The following SNX13 variants were observed in gnomAD, a reference collection of about 807,000 sequenced individuals.
SNX13 encodes sorting nexin 13.
A neutral mutation model predicts 133.6 loss-of-function variants in SNX13; 45 were observed. The observed-to-expected ratio is 0.34, with a 90% CI of 0.27 to 0.43. The LOEUF (loss-of-function observed/expected upper bound fraction) is 0.43, where lower values mean the gene tolerates loss of function less well. Ranked by LOEUF, SNX13 falls within the 20% of genes least tolerant of loss-of-function variation. SNX13 has a pLI of 1.00. For synonymous variants in SNX13, 414 were observed against 373.9 expected (o/e 1.11, Z -1.24); for missense variants, 1,032 against 1,145.1 (o/e 0.90, Z 1.43).
intron 17 of SNX13, among the ~76,000 whole-genome samples, chr7:17,824,179 TA>T (rs548777346): frequency 6.7e-5 from 10 of 149,232 alleles, no homozygotes; most frequent in Non-Finnish European, 7.5e-5. Context: ...TCTTATTATG[TA>T]AAAAAAAAAT....
intron 9 of SNX13, among the ~76,000 whole-genome samples, chr7:17,866,295 A>G (rs1360069142): frequency 2.1e-5 from 3 of 143,634 alleles, no homozygotes; most frequent in Admixed American, 6.9e-5. Flanking sequence ...ACTCAATAGG[A>G]AAAAAAAAAA....
intron 22 of SNX13, among the ~76,000 whole-genome samples, chr7:17,801,059 T>TCC (rs1403676296): frequency 1.5e-5 from 1 of 67,270 alleles, no homozygotes; most frequent in Non-Finnish European, 3.0e-5. Flanking sequence ...TATATATATA[T>TCC]ATCCTGATAC....
Position 17,814,933 on chromosome 7 carries a change from A to T in SNX13, c.1965T>A (p.Ala655=), listed in dbSNP as rs1172730081. 11 of 1,466,848 alleles carry T rather than the reference A, an allele frequency of 7.5e-6. No homozygotes were observed. Among genetic ancestry groups the T allele is most frequent in the Non-Finnish European group, 9.8e-6 (11 of 1,122,708 alleles). 90.9% of individuals were successfully genotyped at this position (1,466,848 alleles called of 1,614,324 possible). ...CGGGGGATGCCTTCATCATTTCAGG[A>T]GCTAACAGTAACTAACAAGAAAAAA... ...DLNAYLQLLL[A]PEMMKASPAL... Residue 655 remains alanine (A), a synonymous_variant, in exon 20 of 26, where the codon GCT becomes GCA. Coordinates refer to ENST00000428135, the MANE Select transcript of SNX13 (RefSeq NM_015132.5).
Position 17,793,192 on chromosome 7 carries a change from G to C in SNX13, c.*853C>G, listed in dbSNP as rs893231832. The C allele has an allele frequency of 2.0e-5, 3 of 152,190 alleles. No homozygotes were observed. Among genetic ancestry groups the C allele is most frequent in the African/African-American group, 7.2e-5 (3 of 41,394 alleles). 9.4% of individuals were successfully genotyped at this position (152,190 alleles called of 1,614,324 possible). A position where few individuals can be genotyped will look rare whatever the true frequency, so the allele number is the denominator to read the frequency against. On this transcript the variant is annotated 3_prime_UTR_variant, in exon 26 of 26. Transcript: ENST00000428135. The stretch of plus-strand genomic sequence containing the variant: ...TTCCATATTTTTAGAAGGACAAAAT[G>C]TATTTGGCAGTTCTTCCAATAAATT...
chr7:17,851,292 T>A (rs2128326863), intron 9 of SNX13, among the ~76,000 whole-genome samples: 1 of 152,326 alleles, frequency 6.6e-6, no homozygotes, highest in South Asian at 2.1e-4. Flanking sequence ...GCAAATCTTC[T>A]GTTATAGTAC....
intron 9 of SNX13, among the ~76,000 whole-genome samples, chr7:17,853,574 A>G (rs78379627): frequency 6.6e-6 from 1 of 152,264 alleles, no homozygotes; most frequent in Non-Finnish European, 1.5e-5. Flanking sequence ...TTCTACATCA[A>G]TGAAATATCC....
At chr7:17,862,154 T>A (rs555342817) in intron 9 of SNX13, among the ~76,000 whole-genome samples, 1 of 152,308 alleles carries the variant, frequency 6.6e-6, no homozygotes, top group Admixed American at 6.5e-5. Context: ...CTAAAAAATA[T>A]CTGTATAGAG....
intron 9 of SNX13, among the ~76,000 whole-genome samples, chr7:17,857,603 G>A (rs1299781058): frequency 6.6e-6 from 1 of 152,104 alleles, no homozygotes; most frequent in East Asian, 1.9e-4. Flanking sequence ...GGCCAACATG[G>A]TGAAACCTCA....
At chr7:17,927,851 T>A (rs1226137630) in intron 1 of SNX13, among the ~76,000 whole-genome samples, 2 of 152,172 alleles carry the variant, frequency 1.3e-5, no homozygotes, top group African/African-American at 4.8e-5. Flanking sequence ...AGAACAAATT[T>A]AGTTTATATA....
chr7:17,798,633 G>A, intron 24 of SNX13, 57 bp downstream of exon 24: 1 of 1,291,786 alleles, frequency 7.7e-7, no homozygotes, highest in Admixed American at 2.3e-5. Flanking sequence ...GTTAATTAGT[G>A]ATAACAATGC....
chr7:17,815,973 G>A (rs1290716800), intron 19 of SNX13, among the ~76,000 whole-genome samples: 2 of 152,116 alleles, frequency 1.3e-5, no homozygotes, highest in Non-Finnish European at 2.9e-5. Context: ...GGAGTGTCTA[G>A]AAAACTTCTA....
intron 5 of SNX13, chr7:17,889,251 G>A (rs1050769434): frequency 6.6e-6 from 1 of 152,354 alleles, no homozygotes; most frequent in African/African-American, 2.4e-5. Flanking sequence ...GTAAATTCTT[G>A]CTCCTAATCA....
At chr7:17,798,439 C>G (rs1212060518) in intron 24 of SNX13, among the ~76,000 whole-genome samples, 3 of 151,850 alleles carry the variant, frequency 2.0e-5, no homozygotes, top group Non-Finnish European at 4.4e-5. Flanking sequence ...AGCCATGGTA[C>G]TGTGATAAAA....
At chr7:17,858,844 C>T (rs1468027327) in intron 9 of SNX13, among the ~76,000 whole-genome samples, 3 of 151,884 alleles carry the variant, frequency 2.0e-5, no homozygotes, top group Non-Finnish European at 4.4e-5. Context: ...TAGTAAGGTG[C>T]CAAGGAAATT....
At chr7:17,821,206 A>C (rs767512481) in intron 18 of SNX13, among the ~76,000 whole-genome samples, 38 of 152,172 alleles carry the variant, frequency 2.5e-4, no homozygotes, top group Non-Finnish European at 4.4e-4. Flanking sequence ...CTAAGCCCAA[A>C]AAACTTTGAA....
chr7:17,910,780 A>C (rs1798883173), intron 1 of SNX13, among the ~76,000 whole-genome samples: 1 of 152,244 alleles, frequency 6.6e-6, no homozygotes, highest in Non-Finnish European at 1.5e-5. Flanking sequence ...ATGTTAAATG[A>C]AAGAAGCCAG....
At chr7:17,877,624 A>T (rs1794872032) in intron 5 of SNX13, among the ~76,000 whole-genome samples, 1 of 152,098 alleles carries the variant, frequency 6.6e-6, no homozygotes, top group Non-Finnish European at 1.5e-5. Flanking sequence ...TGAAACTTTC[A>T]AACAAAATAA....
At chr7:17,806,963 G>T in intron 20 of SNX13, among the ~76,000 whole-genome samples, 1 of 152,230 alleles carries the variant, frequency 6.6e-6, no homozygotes, top group Non-Finnish European at 1.5e-5. Context: ...GCAACCCACA[G>T]ACCAGCAGAT....
At chr7:17,828,750 G>C (rs1314699466) in intron 16 of SNX13, among the ~76,000 whole-genome samples, 3 of 151,272 alleles carry the variant, frequency 2.0e-5, no homozygotes. Flanking sequence ...ATTACCATGT[G>C]ACAAAAGAGA....
Sources: allele counts gnomAD v4.1 joint callset (sites outside exome capture counted in the v4.1 genomes callset), GRCh38; gene constraint gnomAD v4.1.1; transcripts MANE v1.5; gene names NCBI Gene and HGNC (gene_info 2026-07-23, HGNC 2026-07-21).